The following RPH3AL variants were observed in gnomAD, a reference collection of about 807,000 sequenced individuals.
RPH3AL encodes rab effector Noc2.
A neutral mutation model predicts 43.1 loss-of-function variants in RPH3AL; 38 were observed. The ratio of observed to expected loss-of-function variants is 0.88; its 90% CI spans 0.68 to 1.15. The LOEUF (loss-of-function observed/expected upper bound fraction) is 1.15. Ranked by LOEUF, RPH3AL falls within the 50% of genes most tolerant of loss-of-function variation. The pLI is 0.00. For synonymous variants in RPH3AL, 189 were observed against 176.3 expected (o/e 1.07, Z -0.57); for missense variants, 462 against 423.2 (o/e 1.09, Z -0.81).
intron 3 of RPH3AL, among the ~76,000 whole-genome samples, chr17:325,879 T>G (rs2044607676): frequency 6.6e-6 from 1 of 151,996 alleles, no homozygotes; most frequent in African/African-American, 2.4e-5. Context: ...GCGGCTGGAG[T>G]TTAGTACGCC....
intron 1 of RPH3AL, among the ~76,000 whole-genome samples, chr17:343,703 T>G (rs1314550230): frequency 6.6e-6 from 1 of 152,146 alleles, no homozygotes; most frequent in African/African-American, 2.4e-5. Context: ...TCTGGAGACA[T>G]AGTTGCGGGT....
intron 7 of RPH3AL, among the ~76,000 whole-genome samples, chr17:240,491 T>C (rs1343365498): frequency 2.0e-5 from 3 of 152,128 alleles, no homozygotes; most frequent in Non-Finnish European, 1.5e-5. Context: ...GCCCATCTAC[T>C]GTCTGCCTCT....
intron 5 of RPH3AL, among the ~76,000 whole-genome samples, chr17:296,992 C>G (rs2043198717): frequency 6.6e-6 from 1 of 152,142 alleles, no homozygotes; most frequent in Admixed American, 6.5e-5. Flanking sequence ...CGATTTTCCC[C>G]AGGGGGTGAG....
chr17:235,349 C>CCCGGGTT (rs2041346058), intron 7 of RPH3AL, among the ~76,000 whole-genome samples: 1 of 138,482 alleles, frequency 7.2e-6, no homozygotes, highest in African/African-American at 2.7e-5. Flanking sequence ...CAAGACGGAT[C>CCCGGGTT]CAGGGTTCAA....
At chr17:216,843 G>A (rs944200637) in intron 8 of RPH3AL, among the ~76,000 whole-genome samples, 1 of 152,090 alleles carries the variant, frequency 6.6e-6, no homozygotes, top group Non-Finnish European at 1.5e-5. Flanking sequence ...TGATCACCTA[G>A]TAATGTCTGC....
At chr17:235,817 G>T (rs571002967) in intron 7 of RPH3AL, among the ~76,000 whole-genome samples, 1 of 145,438 alleles carries the variant, frequency 6.9e-6, no homozygotes, top group African/African-American at 2.5e-5. Flanking sequence ...CAAAGCTGGG[G>T]TCGGCCGAGG....
chr17:299,423 T>C (rs9747497), intron 5 of RPH3AL, among the ~76,000 whole-genome samples: 142,030 of 151,968 alleles, frequency 0.93, 66,402 homozygotes, highest in East Asian at 1. Flanking sequence ...AAGGGGCCTC[T>C]GGTGAGGGCC....
At chr17:280,856 G>A (rs531012412) in intron 6 of RPH3AL, among the ~76,000 whole-genome samples, 4 of 152,186 alleles carry the variant, frequency 2.6e-5, no homozygotes, top group Non-Finnish European at 5.9e-5. Flanking sequence ...TGGCAGAGGA[G>A]CAATATTCAA....
At chr17:268,233 C>T (rs759054359) in intron 6 of RPH3AL, among the ~76,000 whole-genome samples, 6 of 152,126 alleles carry the variant, frequency 3.9e-5, no homozygotes, top group African/African-American at 7.2e-5. Flanking sequence ...CTCATCTCCC[C>T]GTCACCCCTG....
intron 6 of RPH3AL, among the ~76,000 whole-genome samples, chr17:279,036 G>A (rs1335560417): frequency 2.0e-5 from 3 of 152,214 alleles, no homozygotes; most frequent in Non-Finnish European, 2.9e-5. Context: ...GTTTTCATCA[G>A]AAAACCCAAG....
chr17:214,271 A>G (rs73971658), intron 9 of RPH3AL, among the ~76,000 whole-genome samples: 3,467 of 152,236 alleles, frequency 0.023, 131 homozygotes, highest in African/African-American at 0.08. Context: ...CCCTCTCTGC[A>G]CTGGGCCACA....
intron 6 of RPH3AL, among the ~76,000 whole-genome samples, chr17:253,716 C>T (rs11653400): frequency 0.067 from 6,230 of 92,858 alleles, 554 homozygotes; most frequent in East Asian, 0.17. Flanking sequence ...AGCCGCACGG[C>T]GTCTGTCCTT....
chr17:307,981 G>C (rs1333457069), intron 5 of RPH3AL, among the ~76,000 whole-genome samples: 1 of 152,228 alleles, frequency 6.6e-6, no homozygotes, highest in Non-Finnish European at 1.5e-5. Flanking sequence ...ATTCCTGCCA[G>C]ACAGCCTTGG....
chr17:292,094 AG>A (rs1316347409), intron 5 of RPH3AL, among the ~76,000 whole-genome samples: 1 of 152,222 alleles, frequency 6.6e-6, no homozygotes, highest in Non-Finnish European at 1.5e-5. Flanking sequence ...CCACGCAGAC[AG>A]GCAGGAGACA....
intron 5 of RPH3AL, among the ~76,000 whole-genome samples, chr17:319,112 A>C (rs1175808296): frequency 6.6e-6 from 1 of 152,214 alleles, no homozygotes; most frequent in Non-Finnish European, 1.5e-5. Context: ...GATATTAAAC[A>C]AGTTTTCTGA....
chr17:337,775 GT>G (rs144226844), intron 1 of RPH3AL, among the ~76,000 whole-genome samples: 6,488 of 152,164 alleles, frequency 0.043, 446 homozygotes, highest in African/African-American at 0.15. Context: ...CTGGGCAGGG[GT>G]TTTTTTTGTA....
intron 5 of RPH3AL, among the ~76,000 whole-genome samples, chr17:309,513 G>GTCCAGGGCTCCTGCCAGCC (rs2043584913): frequency 4.3e-5 from 1 of 23,164 alleles, no homozygotes; most frequent in Non-Finnish European, 1.1e-4. Context: ...CATGTCCCCC[G>GTCCAGGGCTCCTGCCAGCC]CCCTGCCCAG....
At position 284,742 on chromosome 17, in the gene RPH3AL, G is replaced by A. The variant is rs192898088; in HGVS notation, c.352-2888C>T. 2.3e-4 allele frequency among the ~76,000 whole-genome samples: 35 copies of A among 152,320 alleles called. No homozygotes were observed. In the East Asian group the frequency reaches 5.0e-3, roughly 22 times the overall value. ...GGGAGAGGACAGCCTCTGCCCCATC[G>A]TAGTCAGCTTAGGCTGCTGTAACAA... On this transcript the variant is annotated intron_variant, in intron 5 of 9. Transcript: ENST00000331302.
chr17:304,233 T>C (rs1038955537), intron 5 of RPH3AL, among the ~76,000 whole-genome samples: 2 of 151,510 alleles, frequency 1.3e-5, no homozygotes, highest in Non-Finnish European at 2.9e-5. Context: ...GGCACCGTTT[T>C]AAGAGTTTAT....
Sources: gnomAD v4.1 joint callset for allele counts (sites outside exome capture counted in the v4.1 genomes callset) on GRCh38, gnomAD v4.1.1 for gene constraint, MANE v1.5 for transcripts, NCBI Gene and HGNC (gene_info 2026-07-23, HGNC 2026-07-21) for gene names.